The following KIAA1217 variants were observed in gnomAD, a reference collection of about 807,000 sequenced individuals.
The protein encoded by KIAA1217 is KIAA1217, also known as sickle tail protein homolog.
KIAA1217 carries 88 observed loss-of-function variants against 163.9 expected under a neutral mutation model. The ratio of observed to expected loss-of-function variants is 0.54; its 90% CI spans 0.45 to 0.64. The LOEUF (loss-of-function observed/expected upper bound fraction) is 0.64, where lower values mean the gene tolerates loss of function less well. KIAA1217 is among the 30% of genes least tolerant of loss of function. KIAA1217 has a pLI of 0.00. For missense variants in KIAA1217, 2,372 were observed against 2,475.0 expected (o/e 0.96, Z 0.88); for synonymous variants, 903 against 923.1 (o/e 0.98, Z 0.39).
rs984680833 is a variant in KIAA1217 at position 23,864,564 on chromosome 10, A to G, written c.-320-142661A>G. On this transcript the variant is annotated intron_variant, in intron 1 of 18. Coordinates refer to the KIAA1217 transcript ENST00000376462. ...CACACACACACACATGAATACCCAC[A>G]GTACTTTCAGCTTGGGAAAAATTCT... 2.0e-5 allele frequency among the ~76,000 whole-genome samples: 3 copies of G among 151,098 alleles called. 1 individual carries two copies. Among genetic ancestry groups the G allele is most frequent in the African/African-American group, 7.3e-5 (3 of 41,032 alleles).
At chr10:23,779,326 C>A (rs996448980) in intron 1 of KIAA1217, among the ~76,000 whole-genome samples, 4 of 152,192 alleles carry the variant, frequency 2.6e-5, no homozygotes, top group Non-Finnish European at 4.4e-5. Context: ...AAAATCCAAG[C>A]TCCTCCTTTT....
At chr10:24,373,741 C>T (rs140655460) in intron 2 of KIAA1217, among the ~76,000 whole-genome samples, 202 of 152,252 alleles carry the variant, frequency 1.3e-3, no homozygotes, top group African/African-American at 4.5e-3. Context: ...TGTAGGAAGG[C>T]AGGGGGCTTT....
intron 2 of KIAA1217, among the ~76,000 whole-genome samples, chr10:24,129,715 T>A (rs2063585979): frequency 6.6e-6 from 1 of 152,184 alleles, no homozygotes; most frequent in African/African-American, 2.4e-5. Flanking sequence ...TTCAGTTACT[T>A]TATAATTGCC....
rs747615594 is a variant in KIAA1217, at chr10:24,053,848, C to A, written c.-171+46474C>A. Among the ~76,000 whole-genome samples the A allele has an allele frequency of 1.8e-4, 27 of 151,966 alleles. 1 individual carries two copies. The highest frequency in any genetic ancestry group is 3.2e-4 in the Non-Finnish European group (22 of 67,996). Reference sequence around the variant, plus strand: ...ATGCACAGAAGAACAGGCCATTTCCCCCAGGTAATATGAGTTCACCAGGTA... The same window carrying A: ...ATGCACAGAAGAACAGGCCATTTCCACCAGGTAATATGAGTTCACCAGGTA... On this transcript the variant is annotated intron_variant, in intron 2 of 18. Coordinates refer to the KIAA1217 transcript ENST00000376462.
At chr10:24,020,057 C>G (rs1223918146) in intron 2 of KIAA1217, among the ~76,000 whole-genome samples, 1 of 152,042 alleles carries the variant, frequency 6.6e-6, no homozygotes. Flanking sequence ...AATTCTTTCC[C>G]CCAAAATTAT....
intron 3 of KIAA1217, among the ~76,000 whole-genome samples, chr10:24,417,974 G>A (rs1056090717): frequency 6.6e-6 from 1 of 151,320 alleles, no homozygotes; most frequent in Non-Finnish European, 1.5e-5. Context: ...CTGAGACAGA[G>A]TGTTGCTCTG....
At chr10:23,704,146 ATGTGTGTG>A (rs1241004091) in intron 1 of KIAA1217, among the ~76,000 whole-genome samples, 26 of 64,866 alleles carry the variant, frequency 4.0e-4, no homozygotes, top group African/African-American at 1.7e-3. Flanking sequence ...GTGTGTGTGT[ATGTGTGTG>A]TGTGTGTGTG....
At chr10:24,185,975 A>T (rs561837672) in intron 2 of KIAA1217, among the ~76,000 whole-genome samples, 21 of 152,088 alleles carry the variant, frequency 1.4e-4, no homozygotes, top group Middle Eastern at 6.8e-3. Context: ...AAAAAAAAAA[A>T]GATTCTGCAT....
At chr10:23,741,767 A>C (rs1383286682) in intron 1 of KIAA1217, among the ~76,000 whole-genome samples, 1 of 152,186 alleles carries the variant, frequency 6.6e-6, no homozygotes, top group Admixed American at 6.5e-5. Context: ...ATCCACATGT[A>C]ATCTAGGTGA....
intron 2 of KIAA1217, among the ~76,000 whole-genome samples, chr10:24,130,061 C>T (rs2063597117): frequency 6.6e-6 from 1 of 152,094 alleles, no homozygotes; most frequent in African/African-American, 2.4e-5. Context: ...TTGCTTCTGC[C>T]ATCTCTCACA....
intron 5 of KIAA1217, among the ~76,000 whole-genome samples, chr10:24,445,866 C>T (rs552404601): frequency 7.2e-5 from 11 of 152,166 alleles, no homozygotes; most frequent in South Asian, 6.2e-4. Context: ...TTTATAGCAG[C>T]GTGATTTATA....
At position 24,230,508 on chromosome 10, in the gene KIAA1217, T is replaced by TG. The variant is rs1304242014; in HGVS notation, c.354+10599_354+10600insG. The stretch of plus-strand genomic sequence containing the variant: ...AGGCACTACTATTTGTTTTGTTTTT[T>TG]TTTTTTTTTTTTTTTGAGACAGAGT... On this transcript the variant is annotated intron_variant, in intron 2 of 20. Coordinates refer to ENST00000376454, the MANE Select transcript of KIAA1217 (RefSeq NM_019590.5). 4.3e-3 allele frequency among the ~76,000 whole-genome samples: 601 copies of TG among 139,382 alleles called. 6 individuals are homozygous for TG. The highest frequency in any genetic ancestry group is 0.018 in the Middle Eastern group (5 of 278). 91.4% of individuals were successfully genotyped at this position (139,382 alleles called of 152,430 possible). A position where few individuals can be genotyped will look rare whatever the true frequency, so the allele number is the denominator to read the frequency against.
chr10:23,797,730 A>G (rs1020528743), intron 1 of KIAA1217, among the ~76,000 whole-genome samples: 6 of 152,172 alleles, frequency 3.9e-5, no homozygotes, highest in African/African-American at 1.4e-4. Flanking sequence ...ACAAGGGGGA[A>G]ATCTGCCCCT....
intron 2 of KIAA1217, among the ~76,000 whole-genome samples, chr10:24,112,772 G>C (rs1490634101): frequency 1.3e-5 from 2 of 151,896 alleles, no homozygotes; most frequent in Admixed American, 6.6e-5. Context: ...TTTTTTAGTA[G>C]AGACGGGGTT....
intron 1 of KIAA1217, among the ~76,000 whole-genome samples, chr10:23,885,680 C>T (rs1363701282): frequency 6.6e-6 from 1 of 151,896 alleles, no homozygotes; most frequent in African/African-American, 2.4e-5. Context: ...GATAAATATT[C>T]GTGGAACTGA....
intron 2 of KIAA1217, among the ~76,000 whole-genome samples, chr10:24,068,095 T>C (rs1368399121): frequency 6.6e-6 from 1 of 152,230 alleles, no homozygotes; most frequent in Admixed American, 6.5e-5. Flanking sequence ...GCTTCCCGGG[T>C]GAGGCGATGC....
At chr10:24,465,711 C>T (rs2062868445) in intron 5 of KIAA1217, among the ~76,000 whole-genome samples, 1 of 152,326 alleles carries the variant, frequency 6.6e-6, no homozygotes, top group South Asian at 2.1e-4. Context: ...GCCAGTCCTC[C>T]GCTGAGAGCT....
intron 1 of KIAA1217, among the ~76,000 whole-genome samples, chr10:23,754,370 TCC>T (rs1410675757): frequency 6.6e-6 from 1 of 152,194 alleles, no homozygotes; most frequent in Non-Finnish European, 1.5e-5. Flanking sequence ...TCAGTGCCCC[TCC>T]TGGCACCATG....
At position 24,436,515 on chromosome 10, in the gene KIAA1217, T is replaced by G. The variant is rs564856833; in HGVS notation, c.753-1871T>G. Among the ~76,000 whole-genome samples, 1,244 of 150,526 alleles carry G rather than the reference T, an allele frequency of 8.3e-3. 6 individuals are homozygous for G. The highest frequency in any genetic ancestry group is 0.012 in the Non-Finnish European group (843 of 67,824). On this transcript the variant is annotated intron_variant, in intron 4 of 20. Coordinates refer to ENST00000376454, the MANE Select transcript of KIAA1217 (RefSeq NM_019590.5). ...GGCTCACGCCTGTAATCCCAGCACT[T>G]TGGGAGGCCAAGGTGGGCGGATCAC...
Sources: gnomAD v4.1 joint callset for allele counts (sites outside exome capture counted in the v4.1 genomes callset) on GRCh38, gnomAD v4.1.1 for gene constraint, MANE v1.5 for transcripts, NCBI Gene and HGNC (gene_info 2026-07-23, HGNC 2026-07-21) for gene names.